KATNIP: variants seen among roughly 807,000 people sequenced by gnomAD.
The protein encoded by KATNIP is katanin interacting protein.
Under a neutral mutation model 174.0 loss-of-function variants are expected in KATNIP, and 126 were observed. The observed-to-expected ratio is 0.72, with a 90% CI of 0.63 to 0.84. The LOEUF (loss-of-function observed/expected upper bound fraction) is 0.84. Ranked by LOEUF, KATNIP falls within the 40% of genes least tolerant of loss-of-function variation. The pLI is 0.00. For synonymous variants in KATNIP, 810 were observed against 835.7 expected (o/e 0.97, Z 0.53); for missense variants, 1,958 against 2,109.7 (o/e 0.93, Z 1.41).
chr16:27,661,345 A>G (rs532949766), intron 6 of KATNIP, among the ~76,000 whole-genome samples: 4 of 152,188 alleles, frequency 2.6e-5, no homozygotes, highest in African/African-American at 7.2e-5. Flanking sequence ...TAGTGGTGCC[A>G]GGCTTTTTAG....
Position 27,597,217 on chromosome 16 carries a change from G to A in KATNIP, c.64-21208G>A, listed in dbSNP as rs530334944. ...CTAATAAATAAATAATATAAAAATTGTCACCTTCTAGATAAGGCTAAAATC... is the reference window on the plus strand; with the variant it reads ...CTAATAAATAAATAATATAAAAATTATCACCTTCTAGATAAGGCTAAAATC... On this transcript the variant is annotated intron_variant, in intron 2 of 27. Coordinates refer to ENST00000261588, the MANE Select transcript of KATNIP (RefSeq NM_015202.5). Among the ~76,000 whole-genome samples the A allele has an allele frequency of 5.0e-4, 76 of 151,822 alleles. No homozygotes were observed. In the South Asian group the frequency reaches 9.6e-3, roughly 19 times the overall value.
chr16:27,719,359 G>A (rs1329775922), intron 13 of KATNIP, among the ~76,000 whole-genome samples: 2 of 152,088 alleles, frequency 1.3e-5, no homozygotes, highest in African/African-American at 4.8e-5. Flanking sequence ...GCTGTTTGGA[G>A]AAATCTCCCC....
intron 18 of KATNIP, among the ~76,000 whole-genome samples, chr16:27,756,842 A>G (rs970911533): frequency 1.3e-4 from 20 of 152,346 alleles, no homozygotes; most frequent in African/African-American, 4.8e-4. Flanking sequence ...GATGGCATCA[A>G]GACATGGTGT....
At chr16:27,604,350 C>T (rs925961160) in intron 2 of KATNIP, among the ~76,000 whole-genome samples, 5 of 152,196 alleles carry the variant, frequency 3.3e-5, no homozygotes, top group African/African-American at 9.6e-5. Context: ...CCTCCCAACT[C>T]AGCCTGTGAA....
At chr16:27,565,866 T>C (rs2090070770) in intron 1 of KATNIP, among the ~76,000 whole-genome samples, 1 of 151,902 alleles carries the variant, frequency 6.6e-6, no homozygotes, top group Admixed American at 6.6e-5. Flanking sequence ...ATGTACTGAG[T>C]TGGAAACTAG....
chr16:27,565,814 A>T (rs1218057347), intron 1 of KATNIP, among the ~76,000 whole-genome samples: 1 of 152,044 alleles, frequency 6.6e-6, no homozygotes, highest in African/African-American at 2.4e-5. Flanking sequence ...AAAAAAAAAA[A>T]CAAAGGAAGA....
intron 6 of KATNIP, among the ~76,000 whole-genome samples, chr16:27,658,087 T>A (rs1302395372): frequency 6.6e-6 from 1 of 152,166 alleles, no homozygotes; most frequent in Non-Finnish European, 1.5e-5. Context: ...TAGCTCAACA[T>A]AAAGAGTAAA....
intron 11 of KATNIP, 87 bp downstream of exon 11, chr16:27,701,782 C>A: frequency 4.3e-6 from 4 of 936,530 alleles, no homozygotes; most frequent in Admixed American, 2.3e-5. Flanking sequence ...GCTTTTCCTA[C>A]GTTTTTTTCA....
chr16:27,741,436 T>G (rs901391469), intron 15 of KATNIP, among the ~76,000 whole-genome samples: 2 of 151,778 alleles, frequency 1.3e-5, no homozygotes, highest in Middle Eastern at 3.4e-3. Context: ...AGACTCTGTC[T>G]CAAAGAAAAA....
intron 2 of KATNIP, among the ~76,000 whole-genome samples, chr16:27,590,904 T>A (rs574977479): frequency 6.6e-6 from 1 of 152,204 alleles, no homozygotes; most frequent in South Asian, 2.1e-4. Flanking sequence ...CTTTTTATTT[T>A]CCACTTTAGC....
intron 14 of KATNIP, among the ~76,000 whole-genome samples, chr16:27,734,553 G>A (rs1397776567): frequency 1.3e-5 from 2 of 152,002 alleles, no homozygotes; most frequent in Admixed American, 1.3e-4. Flanking sequence ...ACAAAAAATA[G>A]CCGGGCGTAG....
rs1596678962 is a variant in KATNIP at position 27,550,985 on chromosome 16, A to G, written c.7+808A>G. Among the ~76,000 whole-genome samples the G allele has an allele frequency of 2.0e-5, 3 of 152,210 alleles. No individual in the cohort carries two copies. In the East Asian group the frequency reaches 5.8e-4, roughly 29 times the overall value. On this transcript the variant is annotated intron_variant, in intron 1 of 27. Transcript: ENST00000261588. Reference sequence around the variant, plus strand: ...ACTGAAAATCAATTCCTCACCTGAAAGGAAAGCTGCTCACCAAGCACCAGC... The same window carrying G: ...ACTGAAAATCAATTCCTCACCTGAAGGGAAAGCTGCTCACCAAGCACCAGC...
intron 23 of KATNIP, among the ~76,000 whole-genome samples, chr16:27,773,741 C>T (rs1220690086): frequency 6.6e-6 from 1 of 152,068 alleles, no homozygotes; most frequent in Non-Finnish European, 1.5e-5. Flanking sequence ...CAACACAGGC[C>T]CTTGATTATG....
At chr16:27,644,019 C>CTTT (rs34902124) in intron 5 of KATNIP, among the ~76,000 whole-genome samples, 1 of 102,492 alleles carries the variant, frequency 9.8e-6, no homozygotes, top group Non-Finnish European at 1.9e-5. Context: ...GAGACATAAT[C>CTTT]TTTTTTTTTT....
chr16:27,654,184 C>A (rs564211675), intron 6 of KATNIP, among the ~76,000 whole-genome samples: 90 of 152,292 alleles, frequency 5.9e-4, no homozygotes, highest in Non-Finnish European at 9.8e-4. Flanking sequence ...CCATGTTGGC[C>A]AGGCTAGTCT....
intron 2 of KATNIP, among the ~76,000 whole-genome samples, chr16:27,602,202 C>G (rs1596876497): frequency 1.3e-5 from 2 of 152,196 alleles, no homozygotes; most frequent in Admixed American, 1.3e-4. Flanking sequence ...ATCCTTCTAC[C>G]TGCAGGCCCT....
At chr16:27,645,306 A>G (rs767817518) in intron 5 of KATNIP, among the ~76,000 whole-genome samples, 4 of 152,126 alleles carry the variant, frequency 2.6e-5, no homozygotes, top group Non-Finnish European at 5.9e-5. Flanking sequence ...CTCTCTGATG[A>G]AGATTCATGA....
At chr16:27,567,797 G>A (rs1415850227) in intron 1 of KATNIP, among the ~76,000 whole-genome samples, 1 of 151,914 alleles carries the variant, frequency 6.6e-6, no homozygotes, top group Non-Finnish European at 1.5e-5. Flanking sequence ...CAAAGTGCTG[G>A]GATTACAGGC....
At chr16:27,645,107 C>G (rs534623850) in intron 5 of KATNIP, among the ~76,000 whole-genome samples, 5 of 152,214 alleles carry the variant, frequency 3.3e-5, no homozygotes, top group African/African-American at 7.2e-5. Flanking sequence ...GGCAGTTTCT[C>G]TGGTTCACTA....
Sources: gnomAD v4.1 joint callset for allele counts (sites outside exome capture counted in the v4.1 genomes callset) on GRCh38, gnomAD v4.1.1 for gene constraint, MANE v1.5 for transcripts, NCBI Gene and HGNC (gene_info 2026-07-23, HGNC 2026-07-21) for gene names.